Variants in KHDRBS2 observed in about 807,000 individuals in gnomAD.
KHDRBS2 encodes the protein KH domain-containing, RNA-binding, signal transduction-associated protein 2.
Under a neutral mutation model 44.3 loss-of-function variants are expected in KHDRBS2, and 26 were observed. The observed-to-expected ratio is 0.59, with a 90% CI of 0.43 to 0.81. The LOEUF (loss-of-function observed/expected upper bound fraction) is 0.81, where lower values mean the gene tolerates loss of function less well. Ranked by LOEUF, KHDRBS2 falls within the 40% of genes least tolerant of loss-of-function variation. KHDRBS2 has a pLI of 0.00. For missense variants in KHDRBS2, 476 were observed against 433.1 expected (o/e 1.10, Z -0.88); for synonymous variants, 194 against 151.1 (o/e 1.28, Z -2.08).
At chr6:61,939,468 T>C (rs1337261097) in intron 4 of KHDRBS2, among the ~76,000 whole-genome samples, 1 of 152,224 alleles carries the variant, frequency 6.6e-6, no homozygotes, top group Non-Finnish European at 1.5e-5. Flanking sequence ...GAAAGTTTTT[T>C]TTCACAGATA....
At chr6:61,830,696 G>A (rs1791647717) in intron 6 of KHDRBS2, among the ~76,000 whole-genome samples, 1 of 152,144 alleles carries the variant, frequency 6.6e-6, no homozygotes, top group African/African-American at 2.4e-5. Flanking sequence ...GAGGTCTAAT[G>A]TCATGTCCTG....
downstream of KHDRBS2, among the ~76,000 whole-genome samples, chr6:61,676,354 C>T (rs904684523): frequency 5.3e-5 from 8 of 151,894 alleles, no homozygotes; most frequent in Non-Finnish European, 7.4e-5. Context: ...GTCTCCATTC[C>T]GCTGAGTGCA....
chr6:62,137,153 A>T (rs1326701698), intron 2 of KHDRBS2, among the ~76,000 whole-genome samples: 1 of 151,418 alleles, frequency 6.6e-6, no homozygotes, highest in East Asian at 1.9e-4. Context: ...GGCACCCGCC[A>T]CCATGCCCGG....
At chr6:61,800,128 T>G (rs1400717559) in intron 6 of KHDRBS2, among the ~76,000 whole-genome samples, 1 of 152,260 alleles carries the variant, frequency 6.6e-6, no homozygotes, top group African/African-American at 2.4e-5. Flanking sequence ...CTTGTTCTAG[T>G]GTCTAGGAGT....
chr6:62,042,014 T>C (rs1786644580), intron 3 of KHDRBS2, among the ~76,000 whole-genome samples: 3 of 152,102 alleles, frequency 2.0e-5, no homozygotes, highest in Non-Finnish European at 4.4e-5. Flanking sequence ...AAATCAAACC[T>C]AATTAATTAT....
Position 62,068,934 on chromosome 6 carries a change from C to A in KHDRBS2, c.220-20940G>T, listed in dbSNP as rs150756035. On this transcript the variant is annotated intron_variant, in intron 2 of 8. Transcript: ENST00000281156. ...TATTTTGAAATTAACTGTTTGAGTT[C>A]TTTAAATTTCTTTTTCATTTTCATG... Among the ~76,000 whole-genome samples, 670 of 151,550 alleles carry A rather than the reference C, an allele frequency of 4.4e-3. 8 individuals are homozygous for A. Among genetic ancestry groups the A allele is most frequent in the African/African-American group, 0.015 (634 of 41,430 alleles).
At chr6:61,918,359 T>C (rs1218356448) in intron 4 of KHDRBS2, among the ~76,000 whole-genome samples, 1 of 151,900 alleles carries the variant, frequency 6.6e-6, no homozygotes, top group Admixed American at 6.6e-5. Context: ...TATGTCCCCC[T>C]CCCAAATTCA....
chr6:62,125,936 G>C (rs1808846105), intron 2 of KHDRBS2, among the ~76,000 whole-genome samples: 1 of 152,174 alleles, frequency 6.6e-6, no homozygotes, highest in South Asian at 2.1e-4. Flanking sequence ...TGGCTACAGA[G>C]AGGGATTCCC....
intron 3 of KHDRBS2, among the ~76,000 whole-genome samples, chr6:62,016,287 A>G (rs1375885245): frequency 6.6e-6 from 1 of 152,050 alleles, no homozygotes; most frequent in East Asian, 1.9e-4. Context: ...ATAATTTGTG[A>G]GACTGAATTG....
chr6:61,766,797 A>G (rs1248374757), intron 6 of KHDRBS2, among the ~76,000 whole-genome samples: 1 of 152,060 alleles, frequency 6.6e-6, no homozygotes, highest in African/African-American at 2.4e-5. Flanking sequence ...ACCAATTTTT[A>G]GTTTTATTAC....
intron 6 of KHDRBS2, among the ~76,000 whole-genome samples, chr6:61,737,062 A>G (rs1273251741): frequency 6.6e-6 from 1 of 152,122 alleles, no homozygotes; most frequent in South Asian, 2.1e-4. Flanking sequence ...ACTCTTATCC[A>G]CTGTCTAGAT....
At chr6:61,767,423 A>G (rs1335374770) in intron 6 of KHDRBS2, among the ~76,000 whole-genome samples, 1 of 151,892 alleles carries the variant, frequency 6.6e-6, no homozygotes, top group Non-Finnish European at 1.5e-5. Flanking sequence ...CTGCCACTCT[A>G]TGTCTTTTGA....
intron 1 of KHDRBS2, among the ~76,000 whole-genome samples, chr6:62,204,753 C>A (rs1327621090): frequency 2.0e-5 from 3 of 151,954 alleles, no homozygotes; most frequent in African/African-American, 4.8e-5. Flanking sequence ...TGGGTTGGTA[C>A]CAGAACTCCA....
the KHDRBS2 span, among the ~76,000 whole-genome samples, chr6:61,592,345 A>T: frequency 6.6e-6 from 1 of 152,202 alleles, no homozygotes; most frequent in Non-Finnish European, 1.5e-5. Context: ...CAGTAAAAAT[A>T]AGGGCCTGAA....
the KHDRBS2 span, among the ~76,000 whole-genome samples, chr6:61,559,842 T>C: frequency 6.6e-6 from 1 of 152,220 alleles, no homozygotes; most frequent in African/African-American, 2.4e-5. Context: ...ATATGAGCAG[T>C]TTACATACCA....
At chr6:61,675,595 T>C (rs1333579960), downstream of KHDRBS2, among the ~76,000 whole-genome samples, 1 of 151,790 alleles carries the variant, frequency 6.6e-6, no homozygotes, top group Non-Finnish European at 1.5e-5. Flanking sequence ...TATTACATAG[T>C]GACCTCAGGG....
At chr6:61,674,823 G>A in the KHDRBS2 span, among the ~76,000 whole-genome samples, 2 of 151,554 alleles carry the variant, frequency 1.3e-5, no homozygotes, top group Admixed American at 1.3e-4. Context: ...TTAGAAACAA[G>A]ACAAAACAAC....
chr6:61,766,543 G>A (rs2127574525), intron 6 of KHDRBS2, among the ~76,000 whole-genome samples: 1 of 151,970 alleles, frequency 6.6e-6, no homozygotes, highest in African/African-American at 2.4e-5. Context: ...TCTTTAAGAT[G>A]CATTGTGAGG....
chr6:61,813,165 G>C (rs1241089592), intron 6 of KHDRBS2, among the ~76,000 whole-genome samples: 1 of 151,976 alleles, frequency 6.6e-6, no homozygotes, highest in Non-Finnish European at 1.5e-5. Flanking sequence ...AATTAGAATG[G>C]AAAAAGTATT....
Sources: gnomAD v4.1 joint callset for allele counts (sites outside exome capture counted in the v4.1 genomes callset) on GRCh38, gnomAD v4.1.1 for gene constraint, MANE v1.5 for transcripts, NCBI Gene and HGNC (gene_info 2026-07-23, HGNC 2026-07-21) for gene names.